Variants in TRPM7 observed in about 807,000 individuals in gnomAD.
The protein encoded by TRPM7 is transient receptor potential cation channel subfamily M member 7.
TRPM7 carries 134 observed loss-of-function variants against 229.7 expected under a neutral mutation model. That is an observed-to-expected ratio of 0.58 (90% CI 0.51 to 0.67). TRPM7 has a LOEUF of 0.67. TRPM7 is among the 30% of genes least tolerant of loss of function. TRPM7 has a pLI of 0.00. For synonymous variants in TRPM7, 699 were observed against 715.2 expected (o/e 0.98, Z 0.36); for missense variants, 1,901 against 2,210.0 (o/e 0.86, Z 2.80).
At chr15:50,633,332 G>T (rs1355502437) in intron 8 of TRPM7, among the ~76,000 whole-genome samples, 1 of 152,106 alleles carries the variant, frequency 6.6e-6, no homozygotes, top group Non-Finnish European at 1.5e-5. Context: ...CTTAAACATA[G>T]GAACTCACAT....
chr15:50,595,242 T>TAAA (rs561628383), intron 23 of TRPM7, among the ~76,000 whole-genome samples: 1 of 147,810 alleles, frequency 6.8e-6, no homozygotes, highest in Non-Finnish European at 1.5e-5. Flanking sequence ...TGGCAACCAT[T>TAAA]AAAAAAAAAA....
chr15:50,601,708 T>C (rs2059785848), intron 21 of TRPM7, among the ~76,000 whole-genome samples: 1 of 151,870 alleles, frequency 6.6e-6, no homozygotes, highest in African/African-American at 2.4e-5. Flanking sequence ...ACAGAATGAG[T>C]GTGAGAAGTT....
At chr15:50,624,061 A>T (rs2060493044) in intron 12 of TRPM7, 105 bp downstream of exon 12, 5 of 1,164,066 alleles carry the variant, frequency 4.3e-6, no homozygotes, top group Non-Finnish European at 5.9e-6. Flanking sequence ...CATATAACTA[A>T]GGAAGACATT....
chr15:50,680,735 A>C (rs1309468326), intron 1 of TRPM7, among the ~76,000 whole-genome samples: 4 of 152,160 alleles, frequency 2.6e-5, no homozygotes, highest in Admixed American at 2.0e-4. Context: ...AAAAAACCTT[A>C]ACTTTTTTAA....
chr15:50,644,523 C>G (rs557436535), intron 4 of TRPM7, among the ~76,000 whole-genome samples: 37 of 152,268 alleles, frequency 2.4e-4, no homozygotes, highest in African/African-American at 8.7e-4. Context: ...AGCCAAAAGG[C>G]CAGGCACAGT....
chr15:50,666,460 G>C lies in TRPM7; in HGVS notation c.4-3414C>G, dbSNP rs368172289. On this transcript the variant is annotated intron_variant, in intron 1 of 38. Coordinates refer to ENST00000646667, the MANE Select transcript of TRPM7 (RefSeq NM_017672.6). ...GGGAGAAGAAGGTAGAAGGGAGAAA[G>C]AAGAGGAGGAAGAGGAAGAAGAGGA... Among the ~76,000 whole-genome samples the C allele has an allele frequency of 3.3e-5, 5 of 151,902 alleles. 1 individual carries two copies.
intron 12 of TRPM7, among the ~76,000 whole-genome samples, chr15:50,620,939 A>T (rs1054652345): frequency 1.6e-4 from 24 of 151,852 alleles, no homozygotes; most frequent in Admixed American, 1.5e-3. Context: ...TCCCCCAAAA[A>T]AGTAAAAAAT....
At chr15:50,664,074 C>A (rs545563035) in intron 1 of TRPM7, among the ~76,000 whole-genome samples, 1 of 151,960 alleles carries the variant, frequency 6.6e-6, no homozygotes, top group South Asian at 2.1e-4. Flanking sequence ...CTGAGGTGGG[C>A]GGATCACAAA....
Position 50,604,874 on chromosome 15 carries a change from C to T in TRPM7, c.2980G>A (p.Gly994Arg), listed in dbSNP as rs750137541. Residue 994 changes from glycine (G) to arginine (R), a missense_variant, in exon 21 of 39, where the codon GGA becomes AGA. Gly to Arg is a moderately radical substitution (Grantham distance 125, BLOSUM62 -2). This residue lies in a region of TRPM7 where 89 missense variants were observed against 178.2 expected (regional missense o/e 0.50). Transcript: ENST00000646667. ...QQAGPYVMMI[G>R]KMVANMFYIV... is the part of the protein sequence containing the mutation. ...AACATCTGTCAACTTACCATTTTTC[C>T]AATCATCATTACATAAGGTCCTGCC... 1 of 1,560,050 alleles carries T rather than the reference C, an allele frequency of 6.4e-7. No homozygotes were observed. Among genetic ancestry groups the T allele is most frequent in the Non-Finnish European group, 8.7e-7 (1 of 1,153,470 alleles).
intron 4 of TRPM7, among the ~76,000 whole-genome samples, chr15:50,645,244 G>A (rs1046703962): frequency 6.6e-6 from 1 of 152,136 alleles, no homozygotes; most frequent in African/African-American, 2.4e-5. Flanking sequence ...GTTTCACCAT[G>A]TTGCCCAGGC....
Position 50,620,936 on chromosome 15 carries a change from A to C in TRPM7, c.1441-1138T>G, listed in dbSNP as rs1237105895. On this transcript the variant is annotated intron_variant, in intron 12 of 38. Coordinates refer to ENST00000646667, the MANE Select transcript of TRPM7 (RefSeq NM_017672.6). ...AACAAGAGTGAAACTCCATCCCCCA[A>C]AAAAGTAAAAAATTTAAAAAATTCC... 8.6e-5 allele frequency among the ~76,000 whole-genome samples: 4 copies of C among 46,286 alleles called. No homozygotes were observed. In the Admixed American group the frequency reaches 9.8e-4, roughly 11 times the overall value. 30.4% of individuals were successfully genotyped at this position (46,286 alleles called of 152,430 possible). A position where few individuals can be genotyped will look rare whatever the true frequency, so the allele number is the denominator to read the frequency against.
intron 11 of TRPM7, among the ~76,000 whole-genome samples, chr15:50,624,752 C>T (rs947972357): frequency 3.3e-5 from 5 of 152,044 alleles, no homozygotes; most frequent in Non-Finnish European, 7.4e-5. Flanking sequence ...GAAACTATCC[C>T]GCATCCCACA....
chr15:50,667,519 C>T (rs530940071), intron 1 of TRPM7, among the ~76,000 whole-genome samples: 7 of 152,216 alleles, frequency 4.6e-5, no homozygotes, highest in Middle Eastern at 3.4e-3. Context: ...CCAGCCTGGC[C>T]GACATGTAAA....
chr15:50,626,208 AT>A, intron 11 of TRPM7, among the ~76,000 whole-genome samples: 1 of 152,052 alleles, frequency 6.6e-6, no homozygotes, highest in African/African-American at 2.4e-5. Flanking sequence ...TGAAATATTT[AT>A]TTTTTATTAT....
At chr15:50,658,230 C>T (rs979480965) in intron 2 of TRPM7, among the ~76,000 whole-genome samples, 3 of 152,028 alleles carry the variant, frequency 2.0e-5, no homozygotes, top group Non-Finnish European at 4.4e-5. Context: ...TGGTCTCGAT[C>T]TCCTGACCTT....
intron 1 of TRPM7, among the ~76,000 whole-genome samples, chr15:50,684,698 T>C (rs965916818): frequency 6.6e-6 from 1 of 151,904 alleles, no homozygotes; most frequent in Non-Finnish European, 1.5e-5. Context: ...TACATGACAC[T>C]ACAGGGATGC....
chr15:50,572,097 A>G (rs1365908314), intron 36 of TRPM7, among the ~76,000 whole-genome samples: 1 of 152,182 alleles, frequency 6.6e-6, no homozygotes, highest in African/African-American at 2.4e-5. Context: ...AGCCTGACCC[A>G]CCTAGTTAGA....
rs35153596 is a variant in TRPM7, at chr15:50,672,898, C to CAAAAAA, written c.4-9858_4-9853dup. Reference sequence around the variant, plus strand: ...AGGGTGACAGAGTGAGACTCTGTCTCAAAAAAAAAAAAAAAAAAAAAAAAA... The same window carrying CAAAAAA: ...AGGGTGACAGAGTGAGACTCTGTCTCAAAAAAAAAAAAAAAAAAAAAAAAAAAAAAA... On this transcript the variant is annotated intron_variant, in intron 1 of 38. Transcript: ENST00000646667. Among the ~76,000 whole-genome samples, 56 of 26,220 alleles carry CAAAAAA rather than the reference C, an allele frequency of 2.1e-3. 2 individuals are homozygous for CAAAAAA. The highest frequency in any genetic ancestry group is 6.9e-3 in the African/African-American group (53 of 7,662). 17.2% of individuals were successfully genotyped at this position (26,220 alleles called of 152,430 possible).
chr15:50,609,986 G>A (rs191932851), intron 17 of TRPM7, 25 bp from the exon 18 acceptor site: 4 of 1,489,958 alleles, frequency 2.7e-6, no homozygotes, highest in Non-Finnish European at 2.7e-6. Flanking sequence ...ACATAATTTT[G>A]CATTTAAAAA....
Sources: gnomAD v4.1 joint callset for allele counts (sites outside exome capture counted in the v4.1 genomes callset) on GRCh38, gnomAD v4.1.1 for gene constraint, gnomAD v4.1.1 regional missense constraint, MANE v1.5 for transcripts, NCBI Gene and HGNC (gene_info 2026-07-23, HGNC 2026-07-21) for gene names.